The following CCDC148 variants were observed in gnomAD, a reference collection of about 807,000 sequenced individuals.
CCDC148 encodes coiled-coil domain containing 148.
Under a neutral mutation model 85.7 loss-of-function variants are expected in CCDC148, and 89 were observed. The observed-to-expected ratio is 1.04, with a 90% CI of 0.87 to 1.24. The LOEUF is 1.24. Ranked by LOEUF, CCDC148 falls within the 50% of genes most tolerant of loss-of-function variation. The pLI, the probability that CCDC148 is intolerant of heterozygous loss-of-function variation, is 0.00. For synonymous variants in CCDC148, 230 were observed against 213.9 expected (o/e 1.08, Z -0.66); for missense variants, 692 against 671.7 (o/e 1.03, Z -0.33).
Position 158,456,599 on chromosome 2 carries a change from T to A in CCDC148, c.-160A>T. On this transcript the variant is annotated 5_prime_UTR_variant, in exon 1 of 14. Coordinates refer to ENST00000283233, the MANE Select transcript of CCDC148 (RefSeq NM_138803.4). ...TACCAGGCACAGTTGGGATTGGCAG[T>A]AAGGCAAGGAAAGCCTGCCCCAGAT... The A allele has an allele frequency of 1.1e-6, 1 of 892,266 alleles. No homozygotes were observed. The highest frequency in any genetic ancestry group is 1.7e-6 in the Non-Finnish European group (1 of 594,154). The allele number at this position is 892,266 out of a possible 1,614,324, so 55.3% of individuals were successfully genotyped here.
chr2:158,269,294 T>C (rs562940414), intron 9 of CCDC148, among the ~76,000 whole-genome samples: 26 of 152,254 alleles, frequency 1.7e-4, no homozygotes, highest in African/African-American at 6.0e-4. Context: ...GGTTTTAACC[T>C]GCATTTCCCT....
At chr2:158,444,240 A>G (rs750283589) in intron 1 of CCDC148, among the ~76,000 whole-genome samples, 1 of 152,288 alleles carries the variant, frequency 6.6e-6, no homozygotes, top group South Asian at 2.1e-4. Context: ...AAATGACTGA[A>G]TCTTATTAAT....
At chr2:158,323,603 G>A (rs748431797) in intron 7 of CCDC148, among the ~76,000 whole-genome samples, 3 of 152,234 alleles carry the variant, frequency 2.0e-5, no homozygotes, top group Admixed American at 6.5e-5. Flanking sequence ...TGTGGTAAGC[G>A]GGGAAAGCTC....
chr2:158,416,131 G>T (rs952471125), intron 1 of CCDC148, among the ~76,000 whole-genome samples: 2 of 152,202 alleles, frequency 1.3e-5, no homozygotes, highest in Non-Finnish European at 2.9e-5. Context: ...ACATATCTGG[G>T]ACCCTTTTAG....
At chr2:158,391,091 A>G (rs950567786) in intron 1 of CCDC148, among the ~76,000 whole-genome samples, 1 of 152,126 alleles carries the variant, frequency 6.6e-6, no homozygotes, top group African/African-American at 2.4e-5. Context: ...TACATTCTAG[A>G]CACTCTACTA....
intron 11 of CCDC148, among the ~76,000 whole-genome samples, chr2:158,213,316 T>G (rs1315565619): frequency 6.6e-6 from 1 of 152,324 alleles, no homozygotes; most frequent in East Asian, 1.9e-4. Flanking sequence ...AATTATCTTC[T>G]GGAGTATATT....
At chr2:158,318,898 G>A (rs893521211) in intron 7 of CCDC148, among the ~76,000 whole-genome samples, 2 of 151,846 alleles carry the variant, frequency 1.3e-5, no homozygotes, top group Non-Finnish European at 2.9e-5. Flanking sequence ...GCCTCCCACA[G>A]AGCTGGGACT....
intron 9 of CCDC148, among the ~76,000 whole-genome samples, chr2:158,282,075 C>G (rs1690343595): frequency 1.3e-5 from 2 of 151,696 alleles, no homozygotes; most frequent in Admixed American, 1.3e-4. Flanking sequence ...CAAAATTCAA[C>G]AACGCTTCAT....
chr2:158,374,649 C>T (rs961738196), intron 1 of CCDC148, among the ~76,000 whole-genome samples: 1 of 145,778 alleles, frequency 6.9e-6, no homozygotes, highest in African/African-American at 2.7e-5. Flanking sequence ...TGCATTTTTA[C>T]AGTGATTTTA....
rs567113115 is a variant in CCDC148 at position 158,332,220 on chromosome 2, A to C, written c.764+6506T>G. ...AGGCGTGGTGGTGACAAAATCTCTC[A>C]GCATTTGTTTGTCTGTAAAGGATTT... On this transcript the variant is annotated intron_variant, in intron 7 of 13. Coordinates refer to ENST00000283233, the MANE Select transcript of CCDC148 (RefSeq NM_138803.4). 3.9e-5 allele frequency among the ~76,000 whole-genome samples: 6 copies of C among 152,076 alleles called. No individual in the cohort carries two copies. The East Asian group carries it at 1.2e-3, about 29-fold the overall frequency.
In CCDC148 at chr2:158,420,684, G is replaced by C. The variant is rs145021152; in HGVS notation, c.25+35731C>G. Among the ~76,000 whole-genome samples the C allele has an allele frequency of 1.3e-5, 2 of 152,182 alleles. 1 individual carries two copies. The highest frequency in any genetic ancestry group is 4.2e-4 in the South Asian group (2 of 4,814). ...CTAGGAAGAAACTGCATCAAGTAAC[G>C]AGCGAAATAACCAGCTAACATCATA... On this transcript the variant is annotated intron_variant, in intron 1 of 13. Coordinates refer to ENST00000283233, the MANE Select transcript of CCDC148 (RefSeq NM_138803.4).
At chr2:158,254,550 C>T (rs1688932817) in intron 9 of CCDC148, among the ~76,000 whole-genome samples, 2 of 151,436 alleles carry the variant, frequency 1.3e-5, no homozygotes, top group Admixed American at 1.3e-4. Flanking sequence ...ACAAAATAAA[C>T]TGTAAAATAT....
At chr2:158,340,721 C>T in intron 3 of CCDC148, 41 bp from the exon 4 acceptor site, 1 of 1,175,954 alleles carries the variant, frequency 8.5e-7, no homozygotes. Flanking sequence ...CAATCATAAA[C>T]ATACATCTAG....
intron 1 of CCDC148, among the ~76,000 whole-genome samples, chr2:158,434,621 T>A (rs1172666737): frequency 6.6e-6 from 1 of 152,132 alleles, no homozygotes; most frequent in African/African-American, 2.4e-5. Context: ...GGACGGAGAA[T>A]GAATTTGACG....
intron 1 of CCDC148, among the ~76,000 whole-genome samples, chr2:158,409,264 C>T (rs867160451): frequency 6.6e-6 from 1 of 152,136 alleles, no homozygotes; most frequent in Non-Finnish European, 1.5e-5. Context: ...GATCCACTGA[C>T]AGCTTGTACC....
At chr2:158,192,469 T>C (rs1685467938) in intron 11 of CCDC148, among the ~76,000 whole-genome samples, 1 of 149,312 alleles carries the variant, frequency 6.7e-6, no homozygotes, top group African/African-American at 2.4e-5. Flanking sequence ...AAGCAAATCA[T>C]GGTGTAGGAA....
At chr2:158,437,983 A>G (rs1574822683) in intron 1 of CCDC148, among the ~76,000 whole-genome samples, 1 of 152,338 alleles carries the variant, frequency 6.6e-6, no homozygotes, top group East Asian at 1.9e-4. Flanking sequence ...GAGGATACAA[A>G]CAAATGGAAG....
intron 9 of CCDC148, among the ~76,000 whole-genome samples, chr2:158,306,701 A>C (rs1299850518): frequency 3.9e-5 from 6 of 152,074 alleles, no homozygotes; most frequent in African/African-American, 7.2e-5. Context: ...GGGGGGAGGG[A>C]AAGCATTAGG....
intron 9 of CCDC148, among the ~76,000 whole-genome samples, chr2:158,280,541 T>G (rs1180604824): frequency 6.6e-6 from 1 of 152,112 alleles, no homozygotes; most frequent in Non-Finnish European, 1.5e-5. Flanking sequence ...GGCCAATACA[T>G]AATGGTAAAG....
Sources: allele counts gnomAD v4.1 joint callset (sites outside exome capture counted in the v4.1 genomes callset), GRCh38; gene constraint gnomAD v4.1.1; transcripts MANE v1.5; gene names NCBI Gene and HGNC (gene_info 2026-07-23, HGNC 2026-07-21).